The following ZBTB44 variants were observed in gnomAD, a reference collection of about 807,000 sequenced individuals.
ZBTB44 encodes zinc finger and BTB domain-containing protein 44.
A neutral mutation model predicts 54.0 loss-of-function variants in ZBTB44; 15 were observed. The ratio of observed to expected loss-of-function variants is 0.28; its 90% CI spans 0.19 to 0.43. The LOEUF is 0.43. Ranked by LOEUF, ZBTB44 falls within the 20% of genes least tolerant of loss-of-function variation. The pLI is 1.00. For missense variants in ZBTB44, 487 were observed against 707.1 expected, an observed-to-expected ratio of 0.69 and a Z score of 3.53; for synonymous variants, 230 against 250.1, an observed-to-expected ratio of 0.92 and a Z score of 0.76.
intron 1 of ZBTB44, among the ~76,000 whole-genome samples, chr11:130,271,062 A>G (rs993904666): frequency 2.6e-5 from 4 of 152,318 alleles, no homozygotes; most frequent in Admixed American, 1.3e-4. Context: ...TTTTGTGTCT[A>G]ATTTCTCTCG....
intron 1 of ZBTB44, among the ~76,000 whole-genome samples, chr11:130,273,610 G>C (rs1939840612): frequency 6.6e-6 from 1 of 152,132 alleles, no homozygotes; most frequent in African/African-American, 2.4e-5. Context: ...ACTACCTCCA[G>C]CCTGTTTTCT....
chr11:130,236,916 C>A lies in ZBTB44; in HGVS notation c.1445G>T (p.Arg482Leu), dbSNP rs745839634. The change falls in exon 5 of 8, where the codon CGC (arginine) becomes CTC (leucine). Residue 482 changes from arginine to leucine, a missense_variant. By Grantham distance (102) the Arg-to-Leu change is moderately radical (BLOSUM62 -2). Coordinates refer to ENST00000357899, the MANE Select transcript of ZBTB44 (RefSeq NM_001301098.2). ...HHMRVSRHII[R>L]KPRIYECKTC... ...TTTGCACTCGTAAATCCGAGGCTTGCGGATAATGTGCCGGGAAACCCTCAT... is the reference window on the plus strand; with the variant it reads ...TTTGCACTCGTAAATCCGAGGCTTGAGGATAATGTGCCGGGAAACCCTCAT... 2 of 1,596,614 alleles carry A rather than the reference C, an allele frequency of 1.3e-6. No individual in the cohort carries two copies. Among genetic ancestry groups the A allele is most frequent in the Non-Finnish European group, 8.5e-7 (1 of 1,172,978 alleles).
At chr11:130,232,530 TTAA>T (rs1953914127) in intron 7 of ZBTB44, 1 of 152,242 alleles carries the variant, frequency 6.6e-6, no homozygotes, top group South Asian at 2.1e-4. Flanking sequence ...CTCATTAGTC[TTAA>T]TAATTTTTTT....
intron 5 of ZBTB44, 88 bp downstream of exon 5, chr11:130,236,705 A>C: frequency 6.4e-6 from 8 of 1,259,458 alleles, no homozygotes; most frequent in African/African-American, 1.6e-5. Context: ...TGGCAACCTG[A>C]TGTAAAAACA....
At chr11:130,234,862 T>G (rs1240535989) in intron 5 of ZBTB44, among the ~76,000 whole-genome samples, 1 of 152,214 alleles carries the variant, frequency 6.6e-6, no homozygotes, top group Admixed American at 6.5e-5. Flanking sequence ...AGATTGGTTA[T>G]GTGATAATCC....
intron 1 of ZBTB44, among the ~76,000 whole-genome samples, chr11:130,300,723 T>C (rs1941943060): frequency 1.3e-5 from 2 of 152,170 alleles, no homozygotes; most frequent in South Asian, 4.1e-4. Context: ...TCTATTTGAT[T>C]TAGCCACAGA....
chr11:130,237,471 G>A (rs1284178586), intron 4 of ZBTB44, among the ~76,000 whole-genome samples: 1 of 152,080 alleles, frequency 6.6e-6, no homozygotes, highest in East Asian at 1.9e-4. Context: ...TACATTGAAC[G>A]GATATGAAAA....
intron 2 of ZBTB44, among the ~76,000 whole-genome samples, chr11:130,260,468 G>GC (rs2136430178): frequency 6.6e-6 from 1 of 152,236 alleles, no homozygotes; most frequent in East Asian, 1.9e-4. Flanking sequence ...TTTCATATCT[G>GC]CTTCCCCAAT....
intron 2 of ZBTB44, among the ~76,000 whole-genome samples, chr11:130,245,587 A>G (rs1207983579): frequency 2.0e-5 from 3 of 151,996 alleles, no homozygotes; most frequent in African/African-American, 7.3e-5. Flanking sequence ...GGGTAGGCCA[A>G]GAAGACTGGC....
chr11:130,230,859 C>A lies in ZBTB44; in HGVS notation c.*905G>T, dbSNP rs1326390713. On this transcript the variant is annotated 3_prime_UTR_variant, in exon 8 of 8. Transcript: ENST00000357899. ...CTGCAGGAGCTTTAACATCCATTATCATGGGTGAACATCTTTGTTTACTTC... is the reference window on the plus strand; with the variant it reads ...CTGCAGGAGCTTTAACATCCATTATAATGGGTGAACATCTTTGTTTACTTC... The A allele has an allele frequency of 6.6e-6, 1 of 152,078 alleles. No individual in the cohort carries two copies. The highest frequency in any genetic ancestry group is 1.5e-5 in the Non-Finnish European group (1 of 67,952). The allele number at this position is 152,078 out of a possible 1,614,324, so 9.4% of individuals were successfully genotyped here.
chr11:130,257,993 C>T (rs1366430355), intron 2 of ZBTB44, among the ~76,000 whole-genome samples: 1 of 152,186 alleles, frequency 6.6e-6, no homozygotes, highest in Non-Finnish European at 1.5e-5. Flanking sequence ...ACAATTTACA[C>T]AGAAGTGACC....
chr11:130,274,298 G>C (rs937133809), intron 1 of ZBTB44, among the ~76,000 whole-genome samples: 3 of 152,144 alleles, frequency 2.0e-5, no homozygotes, highest in Non-Finnish European at 2.9e-5. Context: ...ACGTGTATAA[G>C]ATCAGGTCAT....
chr11:130,230,828 G>C lies in ZBTB44; in HGVS notation c.*936C>G, dbSNP rs967390708. On this transcript the variant is annotated 3_prime_UTR_variant, in exon 8 of 8. Coordinates refer to ENST00000357899, the MANE Select transcript of ZBTB44 (RefSeq NM_001301098.2). ...AGAATATACCCTTTAAACACGAAAA[G>C]AACAACTGCAGGAGCTTTAACATCC... The C allele has an allele frequency of 6.6e-6, 1 of 151,990 alleles. No individual in the cohort carries two copies. Among genetic ancestry groups the C allele is most frequent in the Admixed American group, 6.6e-5 (1 of 15,260 alleles). The allele number at this position is 151,990 out of a possible 1,614,324, so 9.4% of individuals were successfully genotyped here.
intron 1 of ZBTB44, among the ~76,000 whole-genome samples, chr11:130,312,466 A>C (rs1174945614): frequency 6.6e-6 from 1 of 152,104 alleles, no homozygotes; most frequent in Non-Finnish European, 1.5e-5. Context: ...GTTTTACTTT[A>C]AGCTAATTAA....
chr11:130,248,822 G>T (rs1271140585), intron 2 of ZBTB44, among the ~76,000 whole-genome samples: 1 of 151,632 alleles, frequency 6.6e-6, no homozygotes, highest in Non-Finnish European at 1.5e-5. Flanking sequence ...CATCATAAAG[G>T]GCTGGGTGCA....
At chr11:130,312,238 GA>G (rs1402409947) in intron 1 of ZBTB44, among the ~76,000 whole-genome samples, 4 of 152,126 alleles carry the variant, frequency 2.6e-5, no homozygotes, top group Non-Finnish European at 5.9e-5. Context: ...AAGATTGTCA[GA>G]AACTGGGTAT....
intron 1 of ZBTB44, among the ~76,000 whole-genome samples, chr11:130,280,677 A>C (rs1940435347): frequency 6.6e-6 from 1 of 152,210 alleles, no homozygotes; most frequent in Non-Finnish European, 1.5e-5. Context: ...ATTACAACAC[A>C]AAAATTGGTA....
At chr11:130,232,012 T>TA (rs1565639617) in intron 7 of ZBTB44, 3 of 152,184 alleles carry the variant, frequency 2.0e-5, no homozygotes, top group African/African-American at 7.2e-5. Context: ...AGCAAATGGG[T>TA]AAAAACAAGT....
At chr11:130,256,601 G>C (rs953164916) in intron 2 of ZBTB44, among the ~76,000 whole-genome samples, 2 of 152,026 alleles carry the variant, frequency 1.3e-5, no homozygotes, top group East Asian at 3.9e-4. Context: ...GCTTGAATGA[G>C]CTGAGATCAC....
Sources: gnomAD v4.1 joint callset for allele counts (sites outside exome capture counted in the v4.1 genomes callset) on GRCh38, gnomAD v4.1.1 for gene constraint, MANE v1.5 for transcripts, NCBI Gene and HGNC (gene_info 2026-07-23, HGNC 2026-07-21) for gene names.